CD99: variants seen among roughly 807,000 people sequenced by gnomAD.
CD99 encodes the protein CD99 molecule (Xg blood group).
Under a neutral mutation model 28.4 loss-of-function variants are expected in CD99, and 19 were observed. The ratio of observed to expected loss-of-function variants is 0.67; its 90% confidence interval spans 0.47 to 0.98. The LOEUF (loss-of-function observed/expected upper bound fraction) is 0.98, where lower values mean the gene tolerates loss of function less well. Among genes scored for constraint, CD99 ranks in the 50% least tolerant of loss-of-function variants. The pLI is 0.00. For missense variants in CD99, 283 were observed against 248.8 expected (o/e 1.14, Z -0.92); for synonymous variants, 103 against 92.1 (o/e 1.12, Z -0.67).
Position 2,740,988 on chromosome X carries a change from A to AT in CD99, c.*188dup. The stretch of plus-strand genomic sequence containing the variant: ...GGCGGATGATGTTTACTAACGATGA[A>AT]TTTTACATCCAAAGGGGGATAGGCA... On this transcript the variant is annotated 3_prime_UTR_variant, in exon 10 of 10. Coordinates refer to ENST00000381192, the MANE Select transcript of CD99 (RefSeq NM_002414.5). 1 of 711,894 alleles carries AT rather than the reference A, an allele frequency of 1.4e-6. No homozygotes were observed. The highest frequency in any genetic ancestry group is 2.5e-6 in the Non-Finnish European group (1 of 407,374). 44.1% of individuals were successfully genotyped at this position (711,894 alleles called of 1,614,324 possible).
In CD99 at chrX:2,723,317, A is replaced by G. The variant is rs1163144079; in HGVS notation, c.314A>G (p.Lys105Arg). 5 of 1,613,922 alleles carry G rather than the reference A, an allele frequency of 3.1e-6. No individual in the cohort carries two copies. The highest frequency in any genetic ancestry group is 1.1e-5 in the South Asian group (1 of 91,078). ...LADGVSGGEG[K>R]GGSDGGGSHR... ...AGACGTTGTTTTTGTCTTGCAGGAA[A>G]AGGAGGCAGTGATGGTGGAGGCAGC... Residue 105 changes from lysine to arginine, a missense_variant, in exon 7 of 10, where the codon AAA becomes AGA. Coordinates refer to ENST00000381192, the MANE Select transcript of CD99 (RefSeq NM_002414.5).
intron 1 of CD99, among the ~76,000 whole-genome samples, chrX:2,712,701 A>G (rs935897002): frequency 5.9e-5 from 9 of 152,128 alleles, no homozygotes; most frequent in Non-Finnish European, 1.2e-4. Context: ...CATGGGGCCC[A>G]CAGAGCTGTT....
Position 2,722,598 on chromosome X carries a change from G to C in CD99, c.263-29G>C, listed in dbSNP as rs1286505408. 5.0e-6 allele frequency: 8 copies of C among 1,612,144 alleles called. No homozygotes were observed. The South Asian group carries it at 8.8e-5, about 18-fold the overall frequency. On this transcript the variant is annotated intron_variant, in intron 5 of 9. Coordinates refer to ENST00000381192, the MANE Select transcript of CD99 (RefSeq NM_002414.5). ...AAGACCCTTGGAGGAGTTCCAGGTT[G>C]ACAGGTGATGCTGTATTTTCTTTCC...
intron 8 of CD99, among the ~76,000 whole-genome samples, chrX:2,728,628 C>T (rs2049422467): frequency 6.6e-6 from 1 of 152,054 alleles, no homozygotes; most frequent in African/African-American, 2.4e-5. Context: ...CATTCTTCTC[C>T]CCTCTTGCTT....
At chrX:2,691,611 C>T in intron 1 of CD99, 184 bp downstream of exon 1, 1 of 729,694 alleles carries the variant, frequency 1.4e-6, no homozygotes, top group South Asian at 1.5e-5. Flanking sequence ...CTCCCCAACG[C>T]TTTTCCTGGA....
chrX:2,714,481 TC>T, intron 2 of CD99, 27 bp downstream of exon 2: 1 of 1,573,980 alleles, frequency 6.4e-7, no homozygotes, highest in Non-Finnish European at 8.7e-7. Flanking sequence ...TTTTTTAAAA[TC>T]CCGTCAATAT....
intron 2 of CD99, chrX:2,715,501 CCTTTT>C (rs974130034): frequency 6.6e-6 from 1 of 152,308 alleles, no homozygotes; most frequent in African/African-American, 2.4e-5. Flanking sequence ...GTCTGTGTCT[CCTTTT>C]CTTTGTCTTA....
chrX:2,698,202 T>A (rs956821769), intron 1 of CD99, among the ~76,000 whole-genome samples: 80 of 150,506 alleles, frequency 5.3e-4, no homozygotes, highest in African/African-American at 1.9e-3. Flanking sequence ...TTTTTTTTTT[T>A]AGACTTGCCC....
chrX:2,737,785 C>T, intron 8 of CD99: 1 of 343,748 alleles, frequency 2.9e-6, no homozygotes, highest in South Asian at 2.4e-5. Context: ...CGTGAGTCAC[C>T]ACGCCCAGCC....
intron 1 of CD99, among the ~76,000 whole-genome samples, chrX:2,706,061 A>AAC (rs2048097821): frequency 1.2e-5 from 1 of 80,276 alleles, no homozygotes; most frequent in Admixed American, 1.2e-4. Flanking sequence ...AAACGTTAAA[A>AAC]AGAAAAAAAA....
intron 3 of CD99, among the ~76,000 whole-genome samples, chrX:2,718,906 G>A (rs2048868901): frequency 6.6e-6 from 1 of 152,134 alleles, no homozygotes; most frequent in South Asian, 2.1e-4. Context: ...TGAGCAAAGG[G>A]ACCCTGTGTC....
intron 1 of CD99, among the ~76,000 whole-genome samples, chrX:2,698,118 C>G (rs1490706004): frequency 1.3e-5 from 2 of 151,816 alleles, no homozygotes; most frequent in Non-Finnish European, 2.9e-5. Context: ...CCACAAGCCC[C>G]TAGACACTCA....
At position 2,741,062 on chromosome X, in the gene CD99, G is replaced by C. The variant is rs2050166920; in HGVS notation, c.*258G>C. 1 of 543,848 alleles carries C rather than the reference G, an allele frequency of 1.8e-6. No individual in the cohort carries two copies. Among genetic ancestry groups the C allele is most frequent in the East Asian group, 2.9e-5 (1 of 34,292 alleles). The allele number at this position is 543,848 out of a possible 1,614,324, so 33.7% of individuals were successfully genotyped here. A position where few individuals can be genotyped will look rare whatever the true frequency, so the allele number is the denominator to read the frequency against. ...CCGGGGGGGCGGTTTCCCATGGGAT[G>C]TGAAAGGCTGGCCATTATTAAGTCC... On this transcript the variant is annotated 3_prime_UTR_variant, in exon 10 of 10. Coordinates refer to ENST00000381192, the MANE Select transcript of CD99 (RefSeq NM_002414.5).
At chrX:2,700,851 A>G (rs1299527095) in intron 1 of CD99, among the ~76,000 whole-genome samples, 1 of 151,294 alleles carries the variant, frequency 6.6e-6, no homozygotes, top group African/African-American at 2.4e-5. Context: ...CTATCTGTTC[A>G]TCCATCCATC....
chrX:2,701,185 A>G (rs895972952), intron 1 of CD99, among the ~76,000 whole-genome samples: 8 of 149,682 alleles, frequency 5.3e-5, no homozygotes, highest in South Asian at 2.1e-4. Flanking sequence ...CCACCCACTC[A>G]CTAATTTATC....
chrX:2,713,071 T>C (rs760443307), intron 1 of CD99, among the ~76,000 whole-genome samples: 19 of 149,818 alleles, frequency 1.3e-4, no homozygotes, highest in African/African-American at 4.7e-4. Context: ...CACATAAACA[T>C]ATTGACACAT....
chrX:2,726,431 T>C (rs1444848877), intron 8 of CD99, 58 bp downstream of exon 8: 4 of 1,169,492 alleles, frequency 3.4e-6, no homozygotes, highest in Non-Finnish European at 5.1e-6. Context: ...AAAACTGTGC[T>C]TTCTTTAAAA....
chrX:2,691,506 TG>T, intron 1 of CD99, 79 bp downstream of exon 1: 3 of 1,452,826 alleles, frequency 2.1e-6, no homozygotes. Context: ...GATGCGGCGT[TG>T]GGGGCGCCCC....
intron 1 of CD99, among the ~76,000 whole-genome samples, chrX:2,693,934 A>G (rs1239673065): frequency 6.6e-6 from 1 of 152,154 alleles, no homozygotes; most frequent in Non-Finnish European, 1.5e-5. Flanking sequence ...GCTGCTCAGA[A>G]TCTTTCAAGG....
Sources: gnomAD v4.1 joint callset for allele counts (sites outside exome capture counted in the v4.1 genomes callset) on GRCh38, gnomAD v4.1.1 for gene constraint, MANE v1.5 for transcripts, NCBI Gene and HGNC (gene_info 2026-07-23, HGNC 2026-07-21) for gene names.